Variants in GPR39 observed in about 807,000 individuals in gnomAD.
The protein encoded by GPR39 is G protein-coupled receptor 39.
In GPR39, 23 loss-of-function variants were observed where a neutral mutation model predicts 18.4. The observed-to-expected ratio is 1.25, with a 90% CI of 0.90 to 1.77. The LOEUF (loss-of-function observed/expected upper bound fraction) is 1.77, where lower values mean the gene tolerates loss of function less well. Among genes scored for constraint, GPR39 ranks in the 40% most tolerant of loss-of-function variants. The probability of loss-of-function intolerance (pLI) is 0.00; values close to 1 mark genes in which losing one functional copy is unlikely to be tolerated. For synonymous variants in GPR39, 280 were observed against 257.9 expected, an observed-to-expected ratio of 1.09 and a Z score of -0.82; for missense variants, 647 against 602.4, an observed-to-expected ratio of 1.07 and a Z score of -0.78.
intron 1 of GPR39, among the ~76,000 whole-genome samples, chr2:132,427,395 C>G (rs1011475279): frequency 8.0e-5 from 12 of 150,160 alleles, no homozygotes; most frequent in Non-Finnish European, 1.6e-4. Flanking sequence ...TCTCGATCTC[C>G]TGACCTCGTG....
In GPR39 at chr2:132,476,814, T is replaced by C. The variant is rs1425392310; in HGVS notation, c.856+58916T>C. 2.6e-5 allele frequency among the ~76,000 whole-genome samples: 4 copies of C among 152,320 alleles called. No homozygotes were observed. The East Asian group carries it at 5.8e-4, about 22-fold the overall frequency. ...TGTAAAGGAGTCCATTTCTCGGCTCTGTAGGACAGGCTGTTATTCCTTAGA... is the reference window on the plus strand; with the variant it reads ...TGTAAAGGAGTCCATTTCTCGGCTCCGTAGGACAGGCTGTTATTCCTTAGA... On this transcript the variant is annotated intron_variant, in intron 1 of 1. Coordinates refer to ENST00000329321, the MANE Select transcript of GPR39 (RefSeq NM_001508.3).
In GPR39 at chr2:132,573,389, C is replaced by A. The variant is rs181537277; in HGVS notation, c.857-71712C>A. Among the ~76,000 whole-genome samples the A allele has an allele frequency of 9.5e-3, 1,441 of 152,144 alleles. 16 individuals are homozygous for A. Among genetic ancestry groups the A allele is most frequent in the African/African-American group, 0.033 (1,371 of 41,504 alleles). ...TGGATTCCCAAATAAGAAAAGCAAT[C>A]AGGAAGGTTTCAGAGTGATGTGGAA... is the stretch of plus-strand genomic sequence containing the variant. On this transcript the variant is annotated intron_variant, in intron 1 of 1. Transcript: ENST00000329321.
intron 1 of GPR39, among the ~76,000 whole-genome samples, chr2:132,550,126 C>A (rs373820935): frequency 6.6e-6 from 1 of 152,028 alleles, no homozygotes; most frequent in Non-Finnish European, 1.5e-5. Context: ...CACTGCAGCC[C>A]GGACAATGAA....
intron 1 of GPR39, among the ~76,000 whole-genome samples, chr2:132,445,027 G>A (rs115580642): frequency 1.4e-4 from 21 of 152,154 alleles, no homozygotes; most frequent in Admixed American, 3.9e-4. Context: ...CTCCCCTACC[G>A]CCCATCCATT....
At chr2:132,476,958 G>C (rs574167599) in intron 1 of GPR39, among the ~76,000 whole-genome samples, 2 of 152,234 alleles carry the variant, frequency 1.3e-5, no homozygotes, top group African/African-American at 4.8e-5. Context: ...GCCTCTCCAG[G>C]CAGCCTCTGG....
chr2:132,475,078 C>T (rs1681102096), intron 1 of GPR39, among the ~76,000 whole-genome samples: 1 of 152,096 alleles, frequency 6.6e-6, no homozygotes, highest in Non-Finnish European at 1.5e-5. Context: ...CATCATTCTG[C>T]TCATGGTTCA....
rs183645122 is a variant in GPR39 at position 132,626,438 on chromosome 2, G to C, written c.857-18663G>C. 1.7e-4 allele frequency among the ~76,000 whole-genome samples: 26 copies of C among 152,300 alleles called. No individual in the cohort carries two copies. In the East Asian group the frequency reaches 4.5e-3, roughly 26 times the overall value. ...ATAAGGCTGCACTACAGTGTCCTCT[G>C]ACAGCCCTTCCATCCCTGAGTTCTA... On this transcript the variant is annotated intron_variant, in intron 1 of 1. Transcript: ENST00000329321.
At chr2:132,515,620 C>T (rs1221172872) in intron 1 of GPR39, among the ~76,000 whole-genome samples, 1 of 152,182 alleles carries the variant, frequency 6.6e-6, no homozygotes, top group Admixed American at 6.5e-5. Context: ...CTTCCTGCTT[C>T]TTCTCTCCTG....
At chr2:132,496,509 A>G (rs901811886) in intron 1 of GPR39, among the ~76,000 whole-genome samples, 3 of 152,194 alleles carry the variant, frequency 2.0e-5, no homozygotes, top group Admixed American at 6.5e-5. Context: ...TGATAACTTT[A>G]TTAGTGATCC....
At chr2:132,608,834 A>G (rs1359402168) in intron 1 of GPR39, among the ~76,000 whole-genome samples, 1 of 152,172 alleles carries the variant, frequency 6.6e-6, no homozygotes, top group African/African-American at 2.4e-5. Context: ...AGAATCAATG[A>G]GCACTTGAGA....
intron 1 of GPR39, among the ~76,000 whole-genome samples, chr2:132,435,577 G>C (rs941276597): frequency 2.0e-5 from 3 of 152,180 alleles, no homozygotes; most frequent in African/African-American, 7.2e-5. Context: ...TGACTGTGCA[G>C]GGAAGGGTGT....
intron 1 of GPR39, among the ~76,000 whole-genome samples, chr2:132,420,692 A>C (rs931034643): frequency 1.3e-5 from 2 of 152,236 alleles, no homozygotes; most frequent in Non-Finnish European, 2.9e-5. Flanking sequence ...GCTCGTTGTT[A>C]AAAATGCTAA....
chr2:132,605,543 G>A (rs559974735), intron 1 of GPR39, among the ~76,000 whole-genome samples: 10 of 152,260 alleles, frequency 6.6e-5, no homozygotes, highest in Non-Finnish European at 1.2e-4. Flanking sequence ...CCTGCTTCTC[G>A]CTGGCCTGGG....
chr2:132,512,644 A>G (rs1225848805), intron 1 of GPR39, among the ~76,000 whole-genome samples: 1 of 152,204 alleles, frequency 6.6e-6, no homozygotes, highest in African/African-American at 2.4e-5. Flanking sequence ...GGGACTTAAC[A>G]ATAGTTTTCA....
chr2:132,445,247 A>G (rs1377790905), intron 1 of GPR39, among the ~76,000 whole-genome samples: 1 of 152,072 alleles, frequency 6.6e-6, no homozygotes, highest in Non-Finnish European at 1.5e-5. Flanking sequence ...ATATTTTTCT[A>G]TGTTCCCATA....
chr2:132,596,348 C>T (rs1680947089), intron 1 of GPR39, among the ~76,000 whole-genome samples: 1 of 152,010 alleles, frequency 6.6e-6, no homozygotes, highest in African/African-American at 2.4e-5. Context: ...TTCCTTTTCT[C>T]TCTCTTTGTT....
intron 1 of GPR39, among the ~76,000 whole-genome samples, chr2:132,465,788 G>T (rs1179628704): frequency 6.6e-6 from 1 of 152,144 alleles, no homozygotes; most frequent in Non-Finnish European, 1.5e-5. Context: ...ACCTCAGGAA[G>T]GTTAATTAAC....
At chr2:132,459,046 A>G (rs1680786747) in intron 1 of GPR39, among the ~76,000 whole-genome samples, 1 of 152,132 alleles carries the variant, frequency 6.6e-6, no homozygotes, top group Non-Finnish European at 1.5e-5. Flanking sequence ...CTGATTCTAC[A>G]CCTCTGGGTT....
At chr2:132,455,860 C>T (rs1397113674) in intron 1 of GPR39, among the ~76,000 whole-genome samples, 23 of 152,124 alleles carry the variant, frequency 1.5e-4, no homozygotes, top group Admixed American at 1.5e-3. Flanking sequence ...GTTGTGATTT[C>T]TCTTGTTTTA....
Sources: allele counts gnomAD v4.1 joint callset (sites outside exome capture counted in the v4.1 genomes callset), GRCh38; gene constraint gnomAD v4.1.1; transcripts MANE v1.5; gene names NCBI Gene and HGNC (gene_info 2026-07-23, HGNC 2026-07-21).